Variants in ARAP2 observed in about 807,000 individuals in gnomAD.
ARAP2 encodes ArfGAP with RhoGAP domain, ankyrin repeat and PH domain 2, also known as arf-GAP with Rho-GAP domain, ANK repeat and PH domain-containing protein 2.
ARAP2 carries 148 observed loss-of-function variants against 194.5 expected under a neutral mutation model. The ratio of observed to expected loss-of-function variants is 0.76; its 90% CI spans 0.67 to 0.87. The LOEUF (loss-of-function observed/expected upper bound fraction) is 0.87, where lower values mean the gene tolerates loss of function less well. ARAP2 is among the 40% of genes least tolerant of loss of function. ARAP2 has a pLI of 0.00. For missense variants in ARAP2, 2,128 were observed against 1,989.7 expected (o/e 1.07, Z -1.32); for synonymous variants, 695 against 683.5 (o/e 1.02, Z -0.26).
intron 27 of ARAP2, among the ~76,000 whole-genome samples, chr4:36,106,617 C>T (rs552879075): frequency 1.3e-5 from 2 of 151,870 alleles, no homozygotes; most frequent in Non-Finnish European, 2.9e-5. Context: ...ATCCTCCCCA[C>T]CTTTTTTCAC....
intron 2 of ARAP2, among the ~76,000 whole-genome samples, chr4:36,224,121 T>G (rs1320691135): frequency 6.7e-6 from 1 of 149,020 alleles, no homozygotes; most frequent in Non-Finnish European, 1.5e-5. Flanking sequence ...GTCAAAGATA[T>G]CCCCTTATGA....
At chr4:36,020,487 T>C (rs1164390779) in intron 5 of ARAP2, among the ~76,000 whole-genome samples, 1 of 149,042 alleles carries the variant, frequency 6.7e-6, no homozygotes, top group Non-Finnish European at 1.5e-5. Flanking sequence ...GGTTAGCACA[T>C]GTAGCACAGA....
chr4:36,034,449 G>A (rs1216857909), intron 5 of ARAP2, among the ~76,000 whole-genome samples: 1 of 152,102 alleles, frequency 6.6e-6, no homozygotes, highest in Non-Finnish European at 1.5e-5. Flanking sequence ...CAGCTTGGCT[G>A]TTGTTGGTGT....
intron 27 of ARAP2, among the ~76,000 whole-genome samples, chr4:36,094,781 A>C (rs1714729807): frequency 6.6e-6 from 1 of 152,140 alleles, no homozygotes; most frequent in African/African-American, 2.4e-5. Flanking sequence ...ATGCCTCATT[A>C]AAGGCTCAGA....
At chr4:36,069,784 C>T (rs550278708) in intron 32 of ARAP2, among the ~76,000 whole-genome samples, 9 of 152,248 alleles carry the variant, frequency 5.9e-5, no homozygotes, top group African/African-American at 2.2e-4. Flanking sequence ...TGTTCAAATG[C>T]AGTCCAGTGT....
chr4:36,198,869 G>A (rs1168819155), intron 6 of ARAP2, among the ~76,000 whole-genome samples: 1 of 152,214 alleles, frequency 6.6e-6, no homozygotes, highest in South Asian at 2.1e-4. Flanking sequence ...GGGAACACAG[G>A]GCTCCTGCCA....
intron 10 of ARAP2, among the ~76,000 whole-genome samples, chr4:36,166,516 A>G (rs897970897): frequency 3.9e-5 from 6 of 152,084 alleles, no homozygotes; most frequent in African/African-American, 1.4e-4. Flanking sequence ...ATCATATGGA[A>G]CAAATGTAAT....
intron 5 of ARAP2, among the ~76,000 whole-genome samples, chr4:36,022,496 A>C (rs893489484): frequency 1.3e-5 from 2 of 152,148 alleles, no homozygotes; most frequent in Non-Finnish European, 2.9e-5. Context: ...GGCAGCCTGG[A>C]GAGGTATTAA....
At chr4:36,164,788 T>C in intron 11 of ARAP2, 126 bp downstream of exon 11, 1 of 892,192 alleles carries the variant, frequency 1.1e-6, no homozygotes, top group Non-Finnish European at 1.7e-6. Flanking sequence ...TTGATTTAAA[T>C]GTAATAAGCT....
At chr4:36,198,089 A>C (rs1743531988) in intron 6 of ARAP2, among the ~76,000 whole-genome samples, 1 of 152,166 alleles carries the variant, frequency 6.6e-6, no homozygotes, top group Admixed American at 6.5e-5. Flanking sequence ...TACGCAGACA[A>C]GTGGAGGGTG....
rs369041363 is a variant in ARAP2 at position 36,230,235 on chromosome 4, T to A, written c.-159-590A>T. Among the ~76,000 whole-genome samples the A allele has an allele frequency of 6.6e-5, 10 of 152,376 alleles. No homozygotes were observed. The East Asian group carries it at 1.5e-3, about 23-fold the overall frequency. On this transcript the variant is annotated intron_variant, in intron 1 of 32. Transcript: ENST00000303965. ...GATTAAAATATCTCTAAGGTGGTCC[T>A]GTTAAACAATATTCCCACAAAGGCA...
At chr4:36,204,763 G>C (rs1001421503) in intron 6 of ARAP2, among the ~76,000 whole-genome samples, 1 of 151,908 alleles carries the variant, frequency 6.6e-6, no homozygotes, top group African/African-American at 2.4e-5. Context: ...GACCGAGGAG[G>C]GTAGATCACG....
At chr4:36,241,309 T>C (rs1753455269) in intron 1 of ARAP2, among the ~76,000 whole-genome samples, 1 of 152,218 alleles carries the variant, frequency 6.6e-6, no homozygotes, top group South Asian at 2.1e-4. Flanking sequence ...AGTTTGAGGG[T>C]TTATTCCTAT....
In ARAP2 at chr4:36,023,439, AG is replaced by A. The variant is rs1199663361; in HGVS notation, n.608-4154del. 2.6e-5 allele frequency among the ~76,000 whole-genome samples: 4 copies of A among 152,246 alleles called. No homozygotes were observed. In the East Asian group the frequency reaches 7.7e-4, roughly 29 times the overall value. ...CATCTTCATCTTGTTGGTATGCAACAGGGGGTTAATGCTCAGACTCCCTTTC... is the reference window on the plus strand; with the variant it reads ...CATCTTCATCTTGTTGGTATGCAACAGGGGTTAATGCTCAGACTCCCTTTC... On this transcript the variant is annotated intron_variant and non_coding_transcript_variant, in intron 5 of 12. Coordinates refer to the ARAP2 transcript ENST00000503225.
intron 5 of ARAP2, among the ~76,000 whole-genome samples, chr4:36,045,507 A>G (rs541234675): frequency 3.9e-5 from 6 of 152,304 alleles, no homozygotes; most frequent in African/African-American, 1.4e-4. Context: ...ATAGAAATAC[A>G]GAGTGGAATG....
At chr4:36,014,203 G>C (rs149094180) in intron 8 of ARAP2, among the ~76,000 whole-genome samples, 4 of 126,274 alleles carry the variant, frequency 3.2e-5, no homozygotes, top group African/African-American at 1.5e-4. Context: ...CTCAAGCCTA[G>C]GTGACAAAGT....
chr4:36,118,347 AAAG>A (rs1164666487), intron 24 of ARAP2, among the ~76,000 whole-genome samples: 3 of 151,126 alleles, frequency 2.0e-5, no homozygotes, highest in Non-Finnish European at 3.0e-5. Context: ...ATGAAATAAA[AAAG>A]AAGAATAGGT....
At chr4:36,211,029 C>G (rs1376866953) in intron 5 of ARAP2, among the ~76,000 whole-genome samples, 1 of 152,066 alleles carries the variant, frequency 6.6e-6, no homozygotes, top group East Asian at 1.9e-4. Context: ...AGAATGCAGA[C>G]TGGGTATATT....
chr4:36,122,555 G>C (rs1043458435), intron 22 of ARAP2, among the ~76,000 whole-genome samples: 1 of 151,742 alleles, frequency 6.6e-6, no homozygotes, highest in African/African-American at 2.4e-5. Context: ...ATAAGTGGGA[G>C]CTAAATGATG....
Sources: allele counts gnomAD v4.1 joint callset (sites outside exome capture counted in the v4.1 genomes callset), GRCh38; gene constraint gnomAD v4.1.1; transcripts MANE v1.5; gene names NCBI Gene and HGNC (gene_info 2026-07-23, HGNC 2026-07-21).